Variants in MARK1 observed in about 807,000 individuals in gnomAD.
The protein encoded by MARK1 is microtubule affinity regulating kinase 1, also known as serine/threonine-protein kinase MARK1.
In MARK1, 40 loss-of-function variants were observed where a neutral mutation model predicts 96.3. The observed-to-expected ratio is 0.42, with a 90% CI of 0.32 to 0.54. The LOEUF (loss-of-function observed/expected upper bound fraction) is 0.54. MARK1 is among the 20% of genes least tolerant of loss of function. The pLI, the probability that MARK1 is intolerant of heterozygous loss-of-function variation, is 0.16. For missense variants in MARK1, 719 were observed against 984.6 expected (o/e 0.73, Z 3.61); for synonymous variants, 317 against 341.2 (o/e 0.93, Z 0.78).
chr1:220,608,677 T>C (rs750813066), intron 6 of MARK1, among the ~76,000 whole-genome samples: 1 of 152,216 alleles, frequency 6.6e-6, no homozygotes, highest in Non-Finnish European at 1.5e-5. Flanking sequence ...CTTTCATGCT[T>C]TCTCTTGTGG....
intron 1 of MARK1, among the ~76,000 whole-genome samples, chr1:220,551,685 G>A (rs1661865753): frequency 6.6e-6 from 1 of 152,044 alleles, no homozygotes; most frequent in Non-Finnish European, 1.5e-5. Flanking sequence ...TGGAGAAATG[G>A]GAAGGGGAAT....
chr1:220,627,247 T>A (rs553255622), intron 9 of MARK1: 1 of 488,764 alleles, frequency 2.0e-6, no homozygotes, highest in African/African-American at 2.0e-5. Flanking sequence ...ACGAATTGCC[T>A]GTGAGGAAGA....
chr1:220,565,977 G>A (rs1314227179), intron 1 of MARK1, among the ~76,000 whole-genome samples: 2 of 152,126 alleles, frequency 1.3e-5, no homozygotes, highest in African/African-American at 2.4e-5. Context: ...GAAAAGCATA[G>A]GTCTTATAGT....
intron 1 of MARK1, among the ~76,000 whole-genome samples, chr1:220,567,900 T>C (rs1228903236): frequency 1.3e-5 from 2 of 152,192 alleles, no homozygotes; most frequent in East Asian, 3.9e-4. Flanking sequence ...CCCTGCTTTC[T>C]ATCCATTTGT....
At chr1:220,528,940 G>T (rs1660112063) in intron 1 of MARK1, 67 bp downstream of exon 1, 1 of 1,458,364 alleles carries the variant, frequency 6.9e-7, no homozygotes, top group Non-Finnish European at 9.2e-7. Flanking sequence ...CACTTCACCC[G>T]CGCTTGGGCC....
intron 3 of MARK1, among the ~76,000 whole-genome samples, chr1:220,584,171 C>G (rs938872896): frequency 1.3e-5 from 2 of 152,082 alleles, no homozygotes; most frequent in Admixed American, 1.3e-4. Flanking sequence ...TGCAGTTTAT[C>G]TCTGCTAACA....
intron 1 of MARK1, among the ~76,000 whole-genome samples, chr1:220,559,894 G>T (rs1662543625): frequency 8.2e-5 from 1 of 12,200 alleles, no homozygotes; most frequent in Admixed American, 2.0e-3. Context: ...GTGTACAGTA[G>T]AACATACTTG....
intron 1 of MARK1, among the ~76,000 whole-genome samples, chr1:220,545,821 C>T (rs1389077864): frequency 6.6e-6 from 1 of 152,152 alleles, no homozygotes; most frequent in Non-Finnish European, 1.5e-5. Flanking sequence ...GACGCCAGTG[C>T]TAGTGACAAA....
chr1:220,620,565 A>G (rs1451304185), intron 9 of MARK1, among the ~76,000 whole-genome samples: 1 of 152,174 alleles, frequency 6.6e-6, no homozygotes, highest in Non-Finnish European at 1.5e-5. Flanking sequence ...ACAGTAGGTA[A>G]GATGTGCTTA....
chr1:220,608,938 T>C (rs1460516547), intron 6 of MARK1, among the ~76,000 whole-genome samples: 1 of 152,230 alleles, frequency 6.6e-6, no homozygotes, highest in East Asian at 1.9e-4. Context: ...TTGTGATTTC[T>C]GTTCTTTTAC....
At chr1:220,581,303 CTACT>C (rs1233017611) in intron 3 of MARK1, among the ~76,000 whole-genome samples, 185 bp downstream of exon 3, 1 of 152,052 alleles carries the variant, frequency 6.6e-6, no homozygotes, top group Non-Finnish European at 1.5e-5. Context: ...AAACTATCTA[CTACT>C]TAAATACATG....
At chr1:220,555,278 C>T (rs1662165876) in intron 1 of MARK1, among the ~76,000 whole-genome samples, 1 of 152,220 alleles carries the variant, frequency 6.6e-6, no homozygotes, top group Non-Finnish European at 1.5e-5. Flanking sequence ...ATTACATAAT[C>T]ATCCTATCTG....
intron 9 of MARK1, chr1:220,627,240 A>G: frequency 2.1e-6 from 1 of 487,626 alleles, no homozygotes; most frequent in South Asian, 1.6e-5. Flanking sequence ...CTGACAAACG[A>G]ATTGCCTGTG....
intron 5 of MARK1, among the ~76,000 whole-genome samples, chr1:220,601,131 G>T (rs910871016): frequency 2.6e-5 from 4 of 151,978 alleles, no homozygotes; most frequent in African/African-American, 9.7e-5. Flanking sequence ...TGTTAGCCAG[G>T]ATGGTCTCGA....
At chr1:220,538,938 A>T (rs1414085874) in intron 1 of MARK1, among the ~76,000 whole-genome samples, 1 of 150,644 alleles carries the variant, frequency 6.6e-6, no homozygotes, top group African/African-American at 2.4e-5. Flanking sequence ...GACTTTGCTG[A>T]AGTTGCTTAT....
intron 3 of MARK1, among the ~76,000 whole-genome samples, chr1:220,592,418 C>T (rs1354415195): frequency 6.6e-6 from 1 of 151,834 alleles, no homozygotes; most frequent in Non-Finnish European, 1.5e-5. Flanking sequence ...ACCAAGAAGC[C>T]AGGGTCCTCA....
At chr1:220,629,156 A>C (rs888684764) in intron 9 of MARK1, among the ~76,000 whole-genome samples, 10 of 152,184 alleles carry the variant, frequency 6.6e-5, no homozygotes, top group Non-Finnish European at 1.5e-4. Context: ...TTGGCAAGTA[A>C]AGTTTAAAGA....
chr1:220,649,951 T>C (rs2103049911), intron 13 of MARK1, among the ~76,000 whole-genome samples: 1 of 152,338 alleles, frequency 6.6e-6, no homozygotes, highest in East Asian at 1.9e-4. Context: ...GGTCAAAGGT[T>C]GTGTGCATGG....
At chr1:220,580,531 A>G (rs1664166997) in intron 2 of MARK1, among the ~76,000 whole-genome samples, 2 of 152,056 alleles carry the variant, frequency 1.3e-5, no homozygotes, top group African/African-American at 4.8e-5. Flanking sequence ...ACTTTGCTCT[A>G]TGTATAATAT....
Sources: allele counts gnomAD v4.1 joint callset (sites outside exome capture counted in the v4.1 genomes callset), GRCh38; gene constraint gnomAD v4.1.1; transcripts MANE v1.5; gene names NCBI Gene and HGNC (gene_info 2026-07-23, HGNC 2026-07-21).